Variants in ICE1 observed in about 807,000 individuals in gnomAD.
ICE1 encodes the protein little elongation complex subunit 1.
A neutral mutation model predicts 192.7 loss-of-function variants in ICE1; 64 were observed. That is an observed-to-expected ratio of 0.33 (90% CI 0.27 to 0.41). The LOEUF is 0.41. ICE1 is among the 10% of genes least tolerant of loss of function. The pLI is 1.00. For missense variants in ICE1, 2,708 were observed against 2,696.0 expected (o/e 1.00, Z -0.10); for synonymous variants, 1,010 against 984.5 (o/e 1.03, Z -0.49).
chr5:5,485,845 T>C (rs926486081), intron 17 of ICE1, among the ~76,000 whole-genome samples: 3 of 152,230 alleles, frequency 2.0e-5, no homozygotes, highest in African/African-American at 7.2e-5. Context: ...GTTCCAAACT[T>C]TTAATTTTGC....
chr5:5,463,463 G>C lies in ICE1; in HGVS notation c.4129G>C (p.Val1377Leu). 6.2e-7 allele frequency: 1 copy of C among 1,612,866 alleles called. No individual in the cohort carries two copies. The highest frequency in any genetic ancestry group is 8.5e-7 in the Non-Finnish European group (1 of 1,179,388). Residue 1377 changes from valine to leucine, a missense_variant, in exon 13 of 19, where the codon GTG becomes CTG. Coordinates refer to ENST00000296564, the MANE Select transcript of ICE1 (RefSeq NM_015325.3). Reference protein sequence around the residue: ...VEPSALCSDSVMEPSIEQSSN... With the variant: ...VEPSALCSDSLMEPSIEQSSN... ...GCCATCAGCCTTGTGCTCTGACTCT[G>C]TGATGGAGCCATCCATAGAGCAAAG... is the stretch of plus-strand genomic sequence containing the variant.
At chr5:5,486,254 G>A (rs1006759436) in intron 17 of ICE1, among the ~76,000 whole-genome samples, 10 of 152,276 alleles carry the variant, frequency 6.6e-5, no homozygotes, top group Admixed American at 2.6e-4. Context: ...CTCACAGTCC[G>A]GTAGTTTGAT....
At position 5,489,241 on chromosome 5, in the gene ICE1, T is replaced by G; in HGVS notation, c.6712T>G (p.Trp2238Gly). The G allele has an allele frequency of 6.2e-7, 1 of 1,613,932 alleles. No individual in the cohort carries two copies. Among genetic ancestry groups the G allele is most frequent in the Non-Finnish European group, 8.5e-7 (1 of 1,179,868 alleles). The change falls in exon 19 of 19, where the codon TGG becomes GGG. Residue 2238 changes from tryptophan to glycine, a missense_variant. Physicochemically the swap from Trp to Gly is radical, Grantham distance 184 (BLOSUM62 -2). Coordinates refer to ENST00000296564, the MANE Select transcript of ICE1 (RefSeq NM_015325.3). Reference sequence around the variant, plus strand: ...AGAAATTTCCAAGATCCTGGAAGCTTGGCGGAGAGAGGCCTCCAAAAGCGT... The same window carrying G: ...AGAAATTTCCAAGATCCTGGAAGCTGGGCGGAGAGAGGCCTCCAAAAGCGT... ...PAEISKILEA[W>G]RREASKSVPS... is the part of the protein sequence containing the mutation.
At chr5:5,486,910 T>C in intron 18 of ICE1, 91 bp downstream of exon 18, 1 of 825,994 alleles carries the variant, frequency 1.2e-6, no homozygotes, top group Non-Finnish European at 1.9e-6. Context: ...TGCTGTGCTC[T>C]GTGCTTTGCT....
At position 5,464,510 on chromosome 5, in the gene ICE1, C is replaced by G; in HGVS notation, c.5176C>G (p.Pro1726Ala). ...TGCGGCCACGCCGAAGCACGCACTT[C>G]CTGTGCCTGGCCGACTCCCACCCTG... ...FCAATPKHAL[P>A]VPGRLPPCAS... Residue 1726 changes from proline to alanine, a missense_variant, in exon 13 of 19, where the codon CCT becomes GCT. Pro to Ala is a conservative substitution (Grantham distance 27, BLOSUM62 -1). Around this residue, in one of 2 missense-constraint regions of ICE1, gnomAD observed 2,366 missense variants for 2,276.6 expected, o/e 1.04. Coordinates refer to ENST00000296564, the MANE Select transcript of ICE1 (RefSeq NM_015325.3). The surrounding 1 kb of genome is among the most constrained non-coding windows in gnomAD (Gnocchi z 4.0). 6.2e-7 allele frequency: 1 copy of G among 1,613,968 alleles called. No homozygotes were observed. The highest frequency in any genetic ancestry group is 8.5e-7 in the Non-Finnish European group (1 of 1,179,892).
At chr5:5,432,970 A>G (rs1737765591) in intron 1 of ICE1, among the ~76,000 whole-genome samples, 1 of 152,104 alleles carries the variant, frequency 6.6e-6, no homozygotes, top group African/African-American at 2.4e-5. Context: ...GGGCTTCTGG[A>G]CCCTGAGTGT....
chr5:5,481,807 T>G lies in ICE1; in HGVS notation c.6521-4914T>G, dbSNP rs1034573814. ...TACACAAATGCTTACTCAAGTGTTATAGTTGCCTCCAGTATTCGGTACAGG... is the reference window on the plus strand; with the variant it reads ...TACACAAATGCTTACTCAAGTGTTAGAGTTGCCTCCAGTATTCGGTACAGG... On this transcript the variant is annotated intron_variant, in intron 17 of 18. Coordinates refer to ENST00000296564, the MANE Select transcript of ICE1 (RefSeq NM_015325.3). Among the ~76,000 whole-genome samples the G allele has an allele frequency of 2.6e-5, 4 of 152,236 alleles. No individual in the cohort carries two copies. The East Asian group carries it at 7.7e-4, about 29-fold the overall frequency.
intron 17 of ICE1, among the ~76,000 whole-genome samples, chr5:5,478,630 C>T (rs960416282): frequency 6.6e-6 from 1 of 152,048 alleles, no homozygotes; most frequent in African/African-American, 2.4e-5. Flanking sequence ...CCAAAAAACC[C>T]ATATAGCCAA....
rs1738777480 is a variant in ICE1, at chr5:5,461,495, A to G, written c.2161A>G (p.Ser721Gly). Residue 721 changes from serine to glycine, a missense_variant, in exon 13 of 19, where the codon AGT (serine) becomes GGT (glycine). By Grantham distance (56) the Ser-to-Gly change is moderately conservative. Transcript: ENST00000296564. ...GASNFNDQKS[S>G]GIEYTKVVKG... ...ATCTAATTTTAATGATCAGAAGAGC[A>G]GTGGGATAGAATATACAAAAGTAGT... The G allele has an allele frequency of 6.2e-7, 1 of 1,613,908 alleles. No individual in the cohort carries two copies. Among genetic ancestry groups the G allele is most frequent in the Non-Finnish European group, 8.5e-7 (1 of 1,179,838 alleles).
intron 1 of ICE1, among the ~76,000 whole-genome samples, chr5:5,424,238 A>G (rs952680065): frequency 1.3e-5 from 2 of 152,196 alleles, no homozygotes; most frequent in Admixed American, 1.3e-4. Context: ...TTTAAGTGCA[A>G]TATCTGTGAA....
chr5:5,482,077 C>G (rs1045595141), intron 17 of ICE1, among the ~76,000 whole-genome samples: 1 of 152,114 alleles, frequency 6.6e-6, no homozygotes, highest in Non-Finnish European at 1.5e-5. Context: ...TATATACTTT[C>G]AAATATGTAC....
chr5:5,446,389 G>A (rs1483200065), intron 7 of ICE1, among the ~76,000 whole-genome samples: 1 of 152,090 alleles, frequency 6.6e-6, no homozygotes, highest in African/African-American at 2.4e-5. Flanking sequence ...CAGCCTCCCA[G>A]ACTCAGGTGA....
chr5:5,480,344 G>A (rs189880229), intron 17 of ICE1, among the ~76,000 whole-genome samples: 45 of 150,730 alleles, frequency 3.0e-4, no homozygotes, highest in African/African-American at 9.6e-4. Flanking sequence ...CCGCCTCCCG[G>A]GTTTGCGCCA....
At chr5:5,444,366 C>T (rs1390549261) in intron 7 of ICE1, 40 bp downstream of exon 7, 5 of 1,435,538 alleles carry the variant, frequency 3.5e-6, no homozygotes, top group Non-Finnish European at 4.8e-6. Context: ...TCGGTCAGTA[C>T]AAAAATCACT....
At position 5,462,561 on chromosome 5, in the gene ICE1, G is replaced by T. The variant is rs1341873809; in HGVS notation, c.3227G>T (p.Cys1076Phe). Residue 1076 changes from cysteine (C) to phenylalanine (F), a missense_variant, in exon 13 of 19, where the codon TGC becomes TTC. Cys to Phe is a radical substitution (Grantham distance 205). Coordinates refer to ENST00000296564, the MANE Select transcript of ICE1 (RefSeq NM_015325.3). ...TTDTTFSSAF[C>F]RKHGETQDTS... ...GACACTACTTTTTCTTCAGCATTTT[G>T]CAGAAAACATGGAGAGACACAGGAT... The T allele has an allele frequency of 3.1e-6, 5 of 1,613,858 alleles. No homozygotes were observed. Among genetic ancestry groups the T allele is most frequent in the Non-Finnish European group, 4.2e-6 (5 of 1,179,902 alleles).
In ICE1 at chr5:5,464,807, T is replaced by G; in HGVS notation, c.5473T>G (p.Leu1825Val). 2 of 1,613,702 alleles carry G rather than the reference T, an allele frequency of 1.2e-6. No homozygotes were observed. The highest frequency in any genetic ancestry group is 1.7e-6 in the Non-Finnish European group (2 of 1,179,772). ...CTGTAACCAAGACAAGTCAAGAGAT[T>G]TGGGGACTCAGCAGGATTCAAGCGG... ...GDCNQDKSRD[L>V]GTQQDSSGKR... Residue 1825 changes from leucine (L) to valine (V), a missense_variant, in exon 13 of 19, where the codon TTG (leucine) becomes GTG (valine). Leu to Val is a conservative substitution (Grantham distance 32). Coordinates refer to ENST00000296564, the MANE Select transcript of ICE1 (RefSeq NM_015325.3). This position sits in a 1 kb window ranked among gnomAD's most constrained non-coding sequence, Gnocchi z 4.0.
chr5:5,479,131 C>T (rs1739424800), intron 17 of ICE1, among the ~76,000 whole-genome samples: 1 of 152,206 alleles, frequency 6.6e-6, no homozygotes, highest in South Asian at 2.1e-4. Context: ...TTCTGCACAG[C>T]AAAAGAAACT....
Position 5,462,706 on chromosome 5 carries a change from T to A in ICE1, c.3372T>A (p.Asp1124Glu), listed in dbSNP as rs951344312. The A allele has an allele frequency of 5.6e-6, 9 of 1,613,826 alleles. No individual in the cohort carries two copies. Among genetic ancestry groups the A allele is most frequent in the Admixed American group, 1.7e-5 (1 of 59,986 alleles). The part of the protein sequence containing the change: ...FSCSEGSEQQ[D>E]APDDSQKNLG... ...GCAGTGAGGGGAGCGAACAGCAAGATGCTCCTGATGACTCACAGAAAAATT... is the reference window on the plus strand; with the variant it reads ...GCAGTGAGGGGAGCGAACAGCAAGAAGCTCCTGATGACTCACAGAAAAATT... The change falls in exon 13 of 19, where the codon GAT (aspartate) becomes GAA (glutamate). Residue 1124 changes from aspartate to glutamate, a missense_variant. Around this residue, in one of 2 missense-constraint regions of ICE1, gnomAD observed 2,366 missense variants for 2,276.6 expected, o/e 1.04. Transcript: ENST00000296564.
At chr5:5,452,163 A>ATT (rs952502832) in intron 10 of ICE1, among the ~76,000 whole-genome samples, 39 of 133,100 alleles carry the variant, frequency 2.9e-4, no homozygotes, top group East Asian at 8.6e-4. Context: ...TGTTTGTTCC[A>ATT]TTTTTTTTTT....
Sources: allele counts gnomAD v4.1 joint callset (sites outside exome capture counted in the v4.1 genomes callset), GRCh38; gene constraint gnomAD v4.1.1; regional missense constraint gnomAD v4.1.1; non-coding constraint Gnocchi (gnomAD v3.1); transcripts MANE v1.5; gene names NCBI Gene and HGNC (gene_info 2026-07-23, HGNC 2026-07-21).